Variants in TMEM114 observed in about 807,000 individuals in gnomAD.
The protein encoded by TMEM114 is claudin-26.
Under a neutral mutation model 6.2 loss-of-function variants are expected in TMEM114, and 6 were observed. The ratio of observed to expected loss-of-function variants is 0.97; its 90% CI spans 0.53 to 1.91. TMEM114 has a LOEUF of 1.91. Among genes scored for constraint, TMEM114 ranks in the 40% most tolerant of loss-of-function variants. TMEM114 has a pLI of 0.01. For missense variants in TMEM114, 218 were observed against 158.3 expected (o/e 1.38, Z -2.02); for synonymous variants, 104 against 73.0 (o/e 1.42, Z -2.16).
At chr16:8,557,563 GGCC>G (rs1377756613) in intron 2 of TMEM114, among the ~76,000 whole-genome samples, 2 of 152,130 alleles carry the variant, frequency 1.3e-5, no homozygotes, top group Admixed American at 6.5e-5. Context: ...CACTAGTTTT[GGCC>G]ACTACATCTT....
At chr16:8,571,966 A>C in intron 3 of TMEM114, 121 bp downstream of exon 3, 2 of 1,241,726 alleles carry the variant, frequency 1.6e-6, no homozygotes, top group South Asian at 3.4e-5. Context: ...GATATCCCAG[A>C]AGGGGAAACT....
chr16:8,576,157 A>T (rs1901920077), intron 2 of TMEM114, among the ~76,000 whole-genome samples: 1 of 152,144 alleles, frequency 6.6e-6, no homozygotes, highest in African/African-American at 2.4e-5. Context: ...CCACCCACAA[A>T]ATATCAAACG....
At position 8,544,673 on chromosome 16, in the gene TMEM114, C is replaced by A. The variant is rs1900607990; in HGVS notation, n.213-6847G>T. Among the ~76,000 whole-genome samples, 6 of 152,260 alleles carry A rather than the reference C, an allele frequency of 3.9e-5. No individual in the cohort carries two copies. In the South Asian group the frequency reaches 1.2e-3, roughly 32 times the overall value. On this transcript the variant is annotated intron_variant and non_coding_transcript_variant, in intron 2 of 2. Transcript: ENST00000623677. Reference sequence around the variant, plus strand: ...TATAACTGTTTTACATAGGGGTACCCCTTTTCAGTGTTCAGAGATTTCATG... The same window carrying A: ...TATAACTGTTTTACATAGGGGTACCACTTTTCAGTGTTCAGAGATTTCATG...
chr16:8,563,385 G>C (rs1195744298), intron 2 of TMEM114, among the ~76,000 whole-genome samples: 2 of 149,872 alleles, frequency 1.3e-5, no homozygotes, highest in African/African-American at 5.0e-5. Flanking sequence ...GAGTGAATGA[G>C]TGAGTGAATG....
rs1243075559 is a variant in TMEM114, at chr16:8,581,977, T to A, written c.301+7236A>T. On this transcript the variant is annotated intron_variant, in intron 2 of 3. Coordinates refer to ENST00000620492, the MANE Select transcript of TMEM114 (RefSeq NM_001146336.2). ...CTCAGGCAGCCTCTTCAAGCATTTA[T>A]GTCCCCATCCTTGCTCTGTCCCTCA... Among the ~76,000 whole-genome samples, 3 of 152,212 alleles carry A rather than the reference T, an allele frequency of 2.0e-5. 1 individual carries two copies. Among genetic ancestry groups the A allele is most frequent in the Non-Finnish European group, 1.5e-5 (1 of 68,032 alleles).
At chr16:8,560,474 G>C (rs1901163629) in intron 2 of TMEM114, among the ~76,000 whole-genome samples, 1 of 152,178 alleles carries the variant, frequency 6.6e-6, no homozygotes, top group African/African-American at 2.4e-5. Context: ...GCATGCCAGG[G>C]TGGCCCATCC....
chr16:8,532,101 G>A, the TMEM114 span: 1 of 152,204 alleles, frequency 6.6e-6, no homozygotes, highest in Non-Finnish European at 1.5e-5. Flanking sequence ...AACGTCTTTT[G>A]TGGTACTACG....
intron 2 of TMEM114, among the ~76,000 whole-genome samples, chr16:8,588,122 C>T (rs1269045372): frequency 6.6e-6 from 1 of 152,036 alleles, no homozygotes; most frequent in East Asian, 1.9e-4. Flanking sequence ...TCCATTTGTA[C>T]TAGAAATATG....
intron 2 of TMEM114, among the ~76,000 whole-genome samples, chr16:8,572,922 G>C (rs1000658164): frequency 2.0e-5 from 3 of 152,190 alleles, no homozygotes; most frequent in Non-Finnish European, 2.9e-5. Flanking sequence ...GTGGTCCTTA[G>C]CATGGCATTT....
intron 2 of TMEM114, among the ~76,000 whole-genome samples, chr16:8,553,548 C>T (rs1248380491): frequency 2.6e-5 from 4 of 152,110 alleles, no homozygotes; most frequent in Admixed American, 2.6e-4. Context: ...TGCAGTGGCA[C>T]GATCTCGACT....
chr16:8,573,963 T>C (rs907429606), intron 2 of TMEM114, among the ~76,000 whole-genome samples: 5 of 152,226 alleles, frequency 3.3e-5, no homozygotes, highest in Admixed American at 6.5e-5. Context: ...ACATGGTAAG[T>C]GCTGAAGAGA....
downstream of TMEM114, among the ~76,000 whole-genome samples, chr16:8,567,570 G>C (rs141734725): frequency 5.7e-3 from 865 of 152,256 alleles, 6 homozygotes; most frequent in African/African-American, 0.02. Flanking sequence ...CATAGGATGC[G>C]AGGAGCATCC....
chr16:8,580,090 G>C (rs1270615471), intron 2 of TMEM114, among the ~76,000 whole-genome samples: 2 of 152,154 alleles, frequency 1.3e-5, no homozygotes, highest in Non-Finnish European at 2.9e-5. Flanking sequence ...AGGTGAGCCA[G>C]GGTCACAAAT....
downstream of TMEM114, among the ~76,000 whole-genome samples, chr16:8,567,055 C>A (rs891445146): frequency 7.5e-6 from 1 of 134,108 alleles, no homozygotes; most frequent in Non-Finnish European, 1.6e-5. Context: ...CGCGTGTTAC[C>A]ACAGCTGGCT....
At chr16:8,586,937 G>A (rs1902341204) in intron 2 of TMEM114, among the ~76,000 whole-genome samples, 1 of 152,186 alleles carries the variant, frequency 6.6e-6, no homozygotes, top group Non-Finnish European at 1.5e-5. Flanking sequence ...CAGGTGTCTA[G>A]GGTATGTCTC....
downstream of TMEM114, among the ~76,000 whole-genome samples, chr16:8,535,805 G>A (rs959859082): frequency 6.6e-6 from 1 of 152,204 alleles, no homozygotes; most frequent in East Asian, 1.9e-4. Context: ...TGTGCTGCCT[G>A]GGGTGTGTGG....
intron 2 of TMEM114, among the ~76,000 whole-genome samples, chr16:8,579,456 A>G (rs1004724051): frequency 4.6e-5 from 7 of 150,760 alleles, no homozygotes; most frequent in African/African-American, 1.7e-4. Context: ...TTAAAATTTT[A>G]TATATATATA....
At chr16:8,530,322 G>A in the TMEM114 span, among the ~76,000 whole-genome samples, 7 of 152,292 alleles carry the variant, frequency 4.6e-5, no homozygotes, top group South Asian at 1.5e-3. Context: ...GCTCCACATG[G>A]CTCTATCCCT....
intron 2 of TMEM114, among the ~76,000 whole-genome samples, chr16:8,578,634 G>C (rs1169706352): frequency 3.9e-5 from 6 of 152,180 alleles, no homozygotes; most frequent in African/African-American, 1.4e-4. Context: ...ATGGCATACA[G>C]TAGGAACTCA....
Sources: allele counts gnomAD v4.1 joint callset (sites outside exome capture counted in the v4.1 genomes callset), GRCh38; gene constraint gnomAD v4.1.1; transcripts MANE v1.5; gene names NCBI Gene and HGNC (gene_info 2026-07-23, HGNC 2026-07-21).